The following SNX25 variants were observed in gnomAD, a reference collection of about 807,000 sequenced individuals.
The protein encoded by SNX25 is sorting nexin 25, also known as sorting nexin-25.
SNX25 carries 62 observed loss-of-function variants against 113.7 expected under a neutral mutation model. That is an observed-to-expected ratio of 0.55 (90% CI 0.44 to 0.67). SNX25 has a LOEUF of 0.67. SNX25 is among the 30% of genes least tolerant of loss of function. The probability of loss-of-function intolerance (pLI) is 0.00; values close to 1 mark genes in which losing one functional copy is unlikely to be tolerated. For synonymous variants in SNX25, 421 were observed against 436.2 expected, an observed-to-expected ratio of 0.97 and a Z score of 0.43; for missense variants, 1,014 against 1,161.0, an observed-to-expected ratio of 0.87 and a Z score of 1.84.
chr4:185,233,376 C>T (rs767697269), intron 1 of SNX25, among the ~76,000 whole-genome samples: 6 of 152,026 alleles, frequency 3.9e-5, no homozygotes, highest in Non-Finnish European at 7.4e-5. Flanking sequence ...GTGCCAGGCA[C>T]CCAGAGTGAG....
chr4:185,307,433 A>G (rs1173214534), intron 6 of SNX25, among the ~76,000 whole-genome samples: 1 of 152,200 alleles, frequency 6.6e-6, no homozygotes, highest in Non-Finnish European at 1.5e-5. Context: ...CTGTTTCTCT[A>G]GCGGTCCTCT....
At chr4:185,305,285 AG>A (rs1754303409) in intron 6 of SNX25, among the ~76,000 whole-genome samples, 1 of 152,174 alleles carries the variant, frequency 6.6e-6, no homozygotes, top group African/African-American at 2.4e-5. Context: ...GCTGAGGTTG[AG>A]AAACCCTGCC....
chr4:185,204,445 A>T (rs1399655082), exon 1 of SNX25: 3 of 152,236 alleles, frequency 2.0e-5, no homozygotes, highest in Non-Finnish European at 2.9e-5. Flanking sequence ...GAATGGAAAG[A>T]CCTTTGCCGA....
rs1579848759 is a variant in SNX25 at position 185,339,438 on chromosome 4, G to C, written c.1974G>C (p.Gln658His). The C allele has an allele frequency of 6.2e-7, 1 of 1,614,128 alleles. No homozygotes were observed. The highest frequency in any genetic ancestry group is 1.3e-5 in the African/African-American group (1 of 75,050). The change falls in exon 11 of 19, where the codon CAG becomes CAC. Residue 658 changes from glutamine (Q) to histidine (H), a missense_variant. By Grantham distance (24) the Gln-to-His change is conservative (BLOSUM62 0). Transcript: ENST00000652585. ...ILIEKERTDL[Q>H]LHMARTDWWC... Reference sequence around the variant, plus strand: ...TAGAGAAAGAACGCACAGACCTTCAGCTGCACATGGCAAGAACGGATTGGT... The same window carrying C: ...TAGAGAAAGAACGCACAGACCTTCACCTGCACATGGCAAGAACGGATTGGT...
chr4:185,278,725 G>A (rs1194772782), intron 5 of SNX25, among the ~76,000 whole-genome samples: 4 of 152,120 alleles, frequency 2.6e-5, no homozygotes, highest in Admixed American at 6.5e-5. Context: ...CATAAAACTA[G>A]TCAACTAAAG....
At chr4:185,356,794 G>C (rs538287070) in intron 15 of SNX25, among the ~76,000 whole-genome samples, 1 of 152,186 alleles carries the variant, frequency 6.6e-6, no homozygotes, top group Non-Finnish European at 1.5e-5. Flanking sequence ...TCGTATGTCA[G>C]TAGCCAAACA....
intron 16 of SNX25, among the ~76,000 whole-genome samples, chr4:185,358,108 A>G (rs2095346891): frequency 6.6e-6 from 1 of 152,236 alleles, no homozygotes; most frequent in Non-Finnish European, 1.5e-5. Flanking sequence ...CCAGAAGGCA[A>G]GTAGGATGAG....
At chr4:185,274,289 G>A (rs1480162892) in intron 5 of SNX25, among the ~76,000 whole-genome samples, 1 of 152,108 alleles carries the variant, frequency 6.6e-6, no homozygotes, top group Non-Finnish European at 1.5e-5. Context: ...TCGAACTCCT[G>A]ACCTCATGAT....
chr4:185,225,421 G>A (rs544899253), intron 1 of SNX25, among the ~76,000 whole-genome samples: 1 of 152,264 alleles, frequency 6.6e-6, no homozygotes, highest in Admixed American at 6.5e-5. Context: ...ACCGCACCCG[G>A]CCAGTATATT....
At chr4:185,336,513 T>A (rs1415154533) in intron 10 of SNX25, among the ~76,000 whole-genome samples, 1 of 152,246 alleles carries the variant, frequency 6.6e-6, no homozygotes, top group Non-Finnish European at 1.5e-5. Flanking sequence ...TTCCTTTTTA[T>A]GGCTGAGTAG....
intron 7 of SNX25, among the ~76,000 whole-genome samples, chr4:185,313,675 A>G (rs1419017290): frequency 6.6e-6 from 1 of 152,210 alleles, no homozygotes; most frequent in Admixed American, 6.5e-5. Flanking sequence ...GTGCAGTTAA[A>G]GCACCACTTA....
the SNX25 span, chr4:185,375,518 A>G: frequency 6.8e-4 from 86 of 126,914 alleles, 3 homozygotes; most frequent in East Asian, 0.013. Flanking sequence ...ATATATATGT[A>G]TATATATATG....
chr4:185,205,357 G>A (rs971061089), upstream of SNX25, among the ~76,000 whole-genome samples: 7 of 151,988 alleles, frequency 4.6e-5, no homozygotes, highest in Non-Finnish European at 8.8e-5. Flanking sequence ...GGAAGGCTGA[G>A]ACAGGAGAAT....
chr4:185,306,117 A>G (rs1346134026), intron 6 of SNX25, among the ~76,000 whole-genome samples: 3 of 152,222 alleles, frequency 2.0e-5, no homozygotes, highest in Non-Finnish European at 1.5e-5. Flanking sequence ...CCACTCGCCT[A>G]TACTTTTCTT....
chr4:185,224,571 GTATA>G (rs1740662128), intron 1 of SNX25, among the ~76,000 whole-genome samples: 1 of 55,962 alleles, frequency 1.8e-5, no homozygotes, highest in Non-Finnish European at 5.9e-5. Context: ...ATATATAAGT[GTATA>G]TAAATATATA....
intron 7 of SNX25, among the ~76,000 whole-genome samples, chr4:185,317,108 A>C (rs751054455): frequency 6.6e-6 from 1 of 152,236 alleles, no homozygotes; most frequent in Non-Finnish European, 1.5e-5. Context: ...ATCTACAAGG[A>C]ACTTAAACAA....
chr4:185,224,793 TG>T (rs1257340707), intron 1 of SNX25, among the ~76,000 whole-genome samples: 4 of 151,864 alleles, frequency 2.6e-5, no homozygotes, highest in Non-Finnish European at 5.9e-5. Context: ...CCTTTTTAGT[TG>T]ACTCTTGCAT....
At chr4:185,221,170 C>A (rs1483678886) in intron 1 of SNX25, among the ~76,000 whole-genome samples, 1 of 151,884 alleles carries the variant, frequency 6.6e-6, no homozygotes, top group African/African-American at 2.4e-5. Flanking sequence ...GTAGCTGGGT[C>A]TAAGGATGCA....
intron 5 of SNX25, among the ~76,000 whole-genome samples, chr4:185,284,364 A>G (rs1388346970): frequency 6.6e-6 from 1 of 152,224 alleles, no homozygotes; most frequent in Admixed American, 6.5e-5. Context: ...AATAGATACT[A>G]TTATAGAGCA....
Sources: allele counts gnomAD v4.1 joint callset (sites outside exome capture counted in the v4.1 genomes callset), GRCh38; gene constraint gnomAD v4.1.1; transcripts MANE v1.5; gene names NCBI Gene and HGNC (gene_info 2026-07-23, HGNC 2026-07-21).